KLRD1: variants seen among roughly 807,000 people sequenced by gnomAD.
KLRD1 encodes the protein natural killer cells antigen CD94.
Under a neutral mutation model 22.6 loss-of-function variants are expected in KLRD1, and 21 were observed. That is an observed-to-expected ratio of 0.93 (90% confidence interval 0.66 to 1.34). The LOEUF (loss-of-function observed/expected upper bound fraction) is 1.34, where lower values mean the gene tolerates loss of function less well. KLRD1 is among the 40% of genes most tolerant of loss of function. The pLI, the probability that KLRD1 is intolerant of heterozygous loss-of-function variation, is 0.00. For synonymous variants in KLRD1, 59 were observed against 71.1 expected (o/e 0.83, Z 0.85); for missense variants, 183 against 208.6 (o/e 0.88, Z 0.76).
In KLRD1 at chr12:10,324,377, C is replaced by T. The variant is rs996018738; in HGVS notation, c.*9584C>T. 1 of 151,964 alleles carries T rather than the reference C, an allele frequency of 6.6e-6. No homozygotes were observed. The highest frequency in any genetic ancestry group is 1.5e-5 in the Non-Finnish European group (1 of 68,052). 9.4% of individuals were successfully genotyped at this position (151,964 alleles called of 1,614,324 possible). On this transcript the variant is annotated 3_prime_UTR_variant, in exon 6 of 6. Coordinates refer to ENST00000336164, the MANE Select transcript of KLRD1 (RefSeq NM_002262.5). ...AGTACCTGACAGGCAGTTTTTCTAT[C>T]CTCATCCTTCTCCCTCTCCCCCCCA...
At position 10,328,026 on chromosome 12, in the gene KLRD1, A is replaced by G. The variant is rs1950376519; in HGVS notation, c.*13233A>G. 1 of 152,110 alleles carries G rather than the reference A, an allele frequency of 6.6e-6. No individual in the cohort carries two copies. The highest frequency in any genetic ancestry group is 2.1e-4 in the South Asian group (1 of 4,824). The allele number at this position is 152,110 out of a possible 1,614,324, so 9.4% of individuals were successfully genotyped here. On this transcript the variant is annotated 3_prime_UTR_variant, in exon 6 of 6. Transcript: ENST00000336164. ...GGGATAAATGCCACTTGCTTATGGC[A>G]TATACTCCTTTTAGTGTACTGTTGA...
chr12:10,271,374 G>A (rs1375788460), intron 1 of KLRD1, among the ~76,000 whole-genome samples: 2 of 152,122 alleles, frequency 1.3e-5, no homozygotes, highest in Non-Finnish European at 2.9e-5. Context: ...CTAAGTCATC[G>A]TGGCCATCGC....
At position 10,319,351 on chromosome 12, in the gene KLRD1, G is replaced by A. The variant is rs958492482; in HGVS notation, c.*4558G>A. On this transcript the variant is annotated 3_prime_UTR_variant, in exon 6 of 6. Transcript: ENST00000336164. ...TATCAATCTGTGTTCATTTTAAAGG[G>A]TGACAATCTACAAATTATGTGTTAT... 1.3e-5 allele frequency: 2 copies of A among 152,124 alleles called. No individual in the cohort carries two copies. The highest frequency in any genetic ancestry group is 2.4e-5 in the African/African-American group (1 of 41,438). The allele number at this position is 152,124 out of a possible 1,614,324, so 9.4% of individuals were successfully genotyped here. A position where few individuals can be genotyped will look rare whatever the true frequency, so the allele number is the denominator to read the frequency against.
At chr12:10,280,484 C>T (rs1234567704) in intron 1 of KLRD1, among the ~76,000 whole-genome samples, 1 of 152,012 alleles carries the variant, frequency 6.6e-6, no homozygotes, top group East Asian at 1.9e-4. Context: ...TTTAGCTACC[C>T]ATAGTCTAGA....
At chr12:10,277,936 A>G (rs1047062261) in intron 1 of KLRD1, among the ~76,000 whole-genome samples, 3 of 152,178 alleles carry the variant, frequency 2.0e-5, no homozygotes. Context: ...ATTTTGTGAA[A>G]GGTTTAAAGT....
chr12:10,303,186 C>T (rs1241853198), upstream of KLRD1, among the ~76,000 whole-genome samples: 1 of 152,212 alleles, frequency 6.6e-6, no homozygotes, highest in Non-Finnish European at 1.5e-5. Flanking sequence ...GTCAGAAGCA[C>T]TCCGTCCTGC....
intron 1 of KLRD1, among the ~76,000 whole-genome samples, chr12:10,297,752 A>T (rs1949834748): frequency 6.6e-6 from 1 of 152,204 alleles, no homozygotes; most frequent in Non-Finnish European, 1.5e-5. Flanking sequence ...GGAGTAATGT[A>T]GGGTGATCTA....
chr12:10,282,532 C>A (rs1949655622), intron 1 of KLRD1, among the ~76,000 whole-genome samples: 1 of 152,138 alleles, frequency 6.6e-6, no homozygotes, highest in Admixed American at 6.5e-5. Flanking sequence ...GCTGGGATTA[C>A]AGGTGTGAGC....
intron 1 of KLRD1, among the ~76,000 whole-genome samples, chr12:10,250,592 G>A (rs901393781): frequency 4.6e-5 from 7 of 151,784 alleles, no homozygotes; most frequent in Non-Finnish European, 1.0e-4. Flanking sequence ...AGAGCAGCTG[G>A]GACTACAGGC....
rs919758156 is a variant in KLRD1 at position 10,269,770 on chromosome 12, A to C, written c.-100-38208A>C. 2.0e-5 allele frequency among the ~76,000 whole-genome samples: 3 copies of C among 152,028 alleles called. No individual in the cohort carries two copies. The South Asian group carries it at 6.2e-4, about 32-fold the overall frequency. On this transcript the variant is annotated intron_variant, in intron 1 of 5. Transcript: ENST00000544747. ...TGAATCAAATTCATCTTAACTTTCT[A>C]TTTTTAAAGAACTTCTTCATGTTTC...
At chr12:10,278,572 C>CCT (rs2137651474) in intron 1 of KLRD1, among the ~76,000 whole-genome samples, 1 of 152,176 alleles carries the variant, frequency 6.6e-6, no homozygotes, top group South Asian at 2.1e-4. Flanking sequence ...TGTCTTGATT[C>CCT]CTATTTATTT....
intron 1 of KLRD1, among the ~76,000 whole-genome samples, chr12:10,254,704 C>T (rs962533290): frequency 2.0e-5 from 3 of 151,968 alleles, no homozygotes; most frequent in Non-Finnish European, 4.4e-5. Flanking sequence ...GCCTGGTCAA[C>T]ATGGTGAAAC....
intron 1 of KLRD1, among the ~76,000 whole-genome samples, chr12:10,266,515 A>T (rs1439717817): frequency 4.6e-5 from 7 of 152,070 alleles, no homozygotes; most frequent in African/African-American, 1.7e-4. Flanking sequence ...GGATTTGAAT[A>T]CGTATTCAAA....
At chr12:10,246,197 C>A (rs1261025394) in intron 1 of KLRD1, among the ~76,000 whole-genome samples, 1 of 152,084 alleles carries the variant, frequency 6.6e-6, no homozygotes, top group African/African-American at 2.4e-5. Flanking sequence ...TTAGAAACCT[C>A]TGACTGGAAA....
intron 1 of KLRD1, among the ~76,000 whole-genome samples, chr12:10,269,154 T>A (rs1205266479): frequency 6.8e-6 from 1 of 146,680 alleles, no homozygotes; most frequent in Non-Finnish European, 1.5e-5. Context: ...CTTTCTTTCC[T>A]TTTTTTTTGT....
At chr12:10,293,168 A>ATATATGTATATATATATG (rs1592066657) in intron 1 of KLRD1, among the ~76,000 whole-genome samples, 3 of 1,220 alleles carry the variant, frequency 2.5e-3, no homozygotes, top group African/African-American at 2.9e-3. Flanking sequence ...ATATATATAT[A>ATATATGTATATATATATG]CACATATACA....
intron 1 of KLRD1, among the ~76,000 whole-genome samples, chr12:10,293,960 G>A (rs147080078): frequency 2.6e-5 from 4 of 152,202 alleles, no homozygotes; most frequent in Non-Finnish European, 5.9e-5. Flanking sequence ...TATTCCCTTG[G>A]TATGAACGCT....
intron 1 of KLRD1, among the ~76,000 whole-genome samples, chr12:10,277,480 T>G (rs1430540137): frequency 6.6e-6 from 1 of 152,154 alleles, no homozygotes; most frequent in African/African-American, 2.4e-5. Context: ...TTTTCCCACT[T>G]CATGGTGGAA....
At position 10,323,138 on chromosome 12, in the gene KLRD1, T is replaced by C. The variant is rs1010998682; in HGVS notation, c.*8345T>C. On this transcript the variant is annotated 3_prime_UTR_variant, in exon 6 of 6. Coordinates refer to ENST00000336164, the MANE Select transcript of KLRD1 (RefSeq NM_002262.5). The stretch of plus-strand genomic sequence containing the variant: ...ATTGCTATAAACATTTTAATATAGC[T>C]CTTGTGGGACATGTGGCTTCATATC... 1 of 152,238 alleles carries C rather than the reference T, an allele frequency of 6.6e-6. No individual in the cohort carries two copies. The highest frequency in any genetic ancestry group is 1.5e-5 in the Non-Finnish European group (1 of 68,036). 9.4% of individuals were successfully genotyped at this position (152,238 alleles called of 1,614,324 possible). A position where few individuals can be genotyped will look rare whatever the true frequency, so the allele number is the denominator to read the frequency against.
Sources: allele counts gnomAD v4.1 joint callset (sites outside exome capture counted in the v4.1 genomes callset), GRCh38; gene constraint gnomAD v4.1.1; transcripts MANE v1.5; gene names NCBI Gene and HGNC (gene_info 2026-07-23, HGNC 2026-07-21).